Variants in DCC observed in about 807,000 individuals in gnomAD.
The protein encoded by DCC is DCC netrin 1 receptor.
In DCC, 58 loss-of-function variants were observed where a neutral mutation model predicts 172.5. That is an observed-to-expected ratio of 0.34 (90% CI 0.27 to 0.42). The LOEUF (loss-of-function observed/expected upper bound fraction) is 0.42. Among genes scored for constraint, DCC ranks in the 10% least tolerant of loss-of-function variants. DCC has a pLI of 1.00. For missense variants in DCC, 1,740 were observed against 1,791.0 expected (o/e 0.97, Z 0.51); for synonymous variants, 709 against 644.5 (o/e 1.10, Z -1.52).
intron 22 of DCC, 46 bp from the exon 23 acceptor site, chr18:53,450,454 G>T (rs1243986920): frequency 1.2e-6 from 2 of 1,608,112 alleles, no homozygotes; most frequent in Admixed American, 1.7e-5. Context: ...TAAAACTTCT[G>T]CCACATCTTC....
chr18:52,906,039 C>T lies in DCC; in HGVS notation c.413-5C>T, dbSNP rs761308788. ...CTTATTCTTCCTTCTTTGTTTTTCT[C>T]CTAGGACCACTGAGGTTCCTTTCAC... is the stretch of plus-strand genomic sequence containing the variant. On this transcript the variant is annotated splice_polypyrimidine_tract_variant and splice_region_variant and intron_variant, in intron 2 of 28. Coordinates refer to ENST00000442544, the MANE Select transcript of DCC (RefSeq NM_005215.4). 2.7e-5 allele frequency: 43 copies of T among 1,591,142 alleles called. No individual in the cohort carries two copies. The highest frequency in any genetic ancestry group is 3.7e-5 in the Non-Finnish European group (43 of 1,159,206).
chr18:52,978,061 AGGGTGG>A (rs891534698), intron 5 of DCC, among the ~76,000 whole-genome samples: 12 of 148,906 alleles, frequency 8.1e-5, no homozygotes, highest in African/African-American at 3.0e-4. Context: ...AGTGCAGAGA[AGGGTGG>A]GGGTGGCATG....
chr18:52,730,843 A>G (rs4524024), intron 1 of DCC, among the ~76,000 whole-genome samples: 66,176 of 151,986 alleles, frequency 0.44, 15,491 homozygotes, highest in East Asian at 0.76. Context: ...GAGGGAAATC[A>G]GATAACGCAA....
chr18:52,752,559 T>C (rs569541566), intron 2 of DCC, among the ~76,000 whole-genome samples, 185 bp downstream of exon 2: 1 of 152,322 alleles, frequency 6.6e-6, no homozygotes, highest in African/African-American at 2.4e-5. Flanking sequence ...GTATACATCG[T>C]GGAGTGATTA....
intron 25 of DCC, among the ~76,000 whole-genome samples, chr18:53,482,484 A>C (rs2045844947): frequency 6.6e-6 from 1 of 152,020 alleles, no homozygotes; most frequent in African/African-American, 2.4e-5. Context: ...TGCTCTCAGC[A>C]CTCTAACTAA....
At chr18:52,773,518 CTATT>C (rs1261567106) in intron 2 of DCC, among the ~76,000 whole-genome samples, 1 of 37,924 alleles carries the variant, frequency 2.6e-5, no homozygotes, top group African/African-American at 3.8e-5. Context: ...CTATATCTAT[CTATT>C]TATCTATCTA....
At chr18:52,898,586 GA>G (rs1366495914) in intron 2 of DCC, among the ~76,000 whole-genome samples, 1 of 152,132 alleles carries the variant, frequency 6.6e-6, no homozygotes, top group African/African-American at 2.4e-5. Context: ...TGCTTGGGTG[GA>G]AGGGTAGGGA....
chr18:52,510,733 C>G (rs1598876183), intron 1 of DCC, among the ~76,000 whole-genome samples: 1 of 152,166 alleles, frequency 6.6e-6, no homozygotes, highest in Non-Finnish European at 1.5e-5. Context: ...GGAATGTACT[C>G]TATTAGAAAT....
intron 2 of DCC, among the ~76,000 whole-genome samples, chr18:52,834,805 T>A (rs1411841804): frequency 6.6e-6 from 1 of 152,206 alleles, no homozygotes; most frequent in African/African-American, 2.4e-5. Flanking sequence ...AATTATCCAA[T>A]GCATTTAATA....
At chr18:53,450,740 T>C (rs2045400970) in intron 23 of DCC, 78 bp downstream of exon 23, 4 of 1,210,570 alleles carry the variant, frequency 3.3e-6, no homozygotes, top group Non-Finnish European at 4.8e-6. Context: ...TCTTTCTGCG[T>C]TCTTTCATAA....
intron 2 of DCC, among the ~76,000 whole-genome samples, chr18:52,873,287 G>A (rs2039350523): frequency 6.6e-6 from 1 of 152,194 alleles, no homozygotes; most frequent in African/African-American, 2.4e-5. Context: ...GGTCGGGACA[G>A]AAGCATCTCT....
chr18:52,830,936 A>G (rs727515), intron 2 of DCC, among the ~76,000 whole-genome samples: 72,762 of 151,960 alleles, frequency 0.48, 20,922 homozygotes, highest in Admixed American at 0.65. Flanking sequence ...GCAATAAACA[A>G]TTGATAGAGT....
At chr18:53,311,148 T>A (rs1017212324) in intron 13 of DCC, among the ~76,000 whole-genome samples, 3 of 151,590 alleles carry the variant, frequency 2.0e-5, no homozygotes, top group Non-Finnish European at 4.4e-5. Flanking sequence ...TGAGATGGAG[T>A]TTCACTCTTA....
chr18:53,466,060 A>C (rs921992432), intron 24 of DCC, among the ~76,000 whole-genome samples: 2 of 152,112 alleles, frequency 1.3e-5, no homozygotes, highest in Non-Finnish European at 2.9e-5. Context: ...CACCACGCCC[A>C]GCCAAAGCGA....
intron 1 of DCC, among the ~76,000 whole-genome samples, chr18:52,653,421 CTA>C (rs1385516669): frequency 6.6e-6 from 1 of 152,124 alleles, no homozygotes; most frequent in Non-Finnish European, 1.5e-5. Flanking sequence ...ACTAAAAATT[CTA>C]TGTGGCAAGA....
intron 5 of DCC, among the ~76,000 whole-genome samples, chr18:53,024,792 G>A (rs191991407): frequency 6.6e-6 from 1 of 152,094 alleles, no homozygotes. Flanking sequence ...TGGGAAAAGG[G>A]ATTGTAGTTG....
Position 53,305,814 on chromosome 18 carries a change from T to C in DCC, c.2053+95T>C. The C allele has an allele frequency of 2.2e-6, 3 of 1,346,412 alleles. No homozygotes were observed. The South Asian group carries it at 3.5e-5, about 16-fold the overall frequency. The allele number at this position is 1,346,412 out of a possible 1,614,324, so 83.4% of individuals were successfully genotyped here. On this transcript the variant is annotated intron_variant, in intron 13 of 28. Coordinates refer to ENST00000442544, the MANE Select transcript of DCC (RefSeq NM_005215.4). ...TCACTCCAAAGGAACATTGATTTTC[T>C]TCCTGGCATCCAGGCAGGTGACATC...
chr18:52,996,221 T>C (rs965511386), intron 5 of DCC, among the ~76,000 whole-genome samples: 1 of 151,838 alleles, frequency 6.6e-6, no homozygotes, highest in Admixed American at 6.6e-5. Flanking sequence ...TTTTAAATCT[T>C]CACTTTAAGA....
chr18:53,465,140 CTG>C (rs1378154133), intron 24 of DCC, among the ~76,000 whole-genome samples: 1 of 151,830 alleles, frequency 6.6e-6, no homozygotes, highest in Non-Finnish European at 1.5e-5. Flanking sequence ...GGAGGAAAGT[CTG>C]TTGTATTTAA....
Sources: allele counts gnomAD v4.1 joint callset (sites outside exome capture counted in the v4.1 genomes callset), GRCh38; gene constraint gnomAD v4.1.1; transcripts MANE v1.5; gene names NCBI Gene and HGNC (gene_info 2026-07-23, HGNC 2026-07-21).